Variants in PPFIA2 observed in about 807,000 individuals in gnomAD.
PPFIA2 encodes liprin-alpha-2.
In PPFIA2, 46 loss-of-function variants were observed where a neutral mutation model predicts 175.5. The observed-to-expected ratio is 0.26, with a 90% confidence interval of 0.21 to 0.34. The LOEUF is 0.34. Ranked by LOEUF, PPFIA2 falls within the 10% of genes least tolerant of loss-of-function variation. The pLI is 1.00. For missense variants in PPFIA2, 1,179 were observed against 1,506.1 expected (o/e 0.78, Z 3.60); for synonymous variants, 568 against 511.4 (o/e 1.11, Z -1.49).
intron 13 of PPFIA2, chr12:81,368,176 A>C: frequency 7.8e-7 from 1 of 1,285,338 alleles, no homozygotes; most frequent in Non-Finnish European, 1.0e-6. Flanking sequence ...ACTATCAATG[A>C]GACATATATA....
intron 7 of PPFIA2, among the ~76,000 whole-genome samples, chr12:81,417,566 G>T (rs2045527295): frequency 6.6e-6 from 1 of 151,122 alleles, no homozygotes; most frequent in Non-Finnish European, 1.5e-5. Context: ...CAATAAAAAG[G>T]ATTTATTCAT....
At chr12:81,434,645 C>A (rs1415125295) in intron 7 of PPFIA2, among the ~76,000 whole-genome samples, 1 of 151,996 alleles carries the variant, frequency 6.6e-6, no homozygotes, top group African/African-American at 2.4e-5. Context: ...GAAATAACTT[C>A]TCTGGTCTCA....
chr12:81,479,928 AT>A (rs1452217748), intron 4 of PPFIA2, among the ~76,000 whole-genome samples: 1 of 152,006 alleles, frequency 6.6e-6, no homozygotes, highest in East Asian at 1.9e-4. Flanking sequence ...TGTTCTCTGC[AT>A]TTCCTGAATT....
rs542401624 is a variant in PPFIA2, at chr12:81,605,916, C to G, written c.303+70875G>C. ...GATTTGTTACATAAGTGTATTGCACCCAGGTAGTGAGCATAATAGCCAATA... is the reference window on the plus strand; with the variant it reads ...GATTTGTTACATAAGTGTATTGCACGCAGGTAGTGAGCATAATAGCCAATA... On this transcript the variant is annotated intron_variant, in intron 4 of 32. Coordinates refer to ENST00000549396, the MANE Select transcript of PPFIA2 (RefSeq NM_003625.5). Among the ~76,000 whole-genome samples, 3 of 151,720 alleles carry G rather than the reference C, an allele frequency of 2.0e-5. No homozygotes were observed. The South Asian group carries it at 6.2e-4, about 32-fold the overall frequency.
At chr12:81,271,816 C>T (rs1180959143) in intron 28 of PPFIA2, among the ~76,000 whole-genome samples, 1 of 151,982 alleles carries the variant, frequency 6.6e-6, no homozygotes, top group African/African-American at 2.4e-5. Flanking sequence ...GACATTTACC[C>T]ATACATTTTT....
intron 4 of PPFIA2, chr12:81,505,717 G>C (rs2061087058): frequency 6.6e-6 from 1 of 152,186 alleles, no homozygotes; most frequent in Non-Finnish European, 1.5e-5. Context: ...TGTATGCCCT[G>C]AGCCACATGT....
At chr12:81,455,024 C>T (rs2053334663) in intron 5 of PPFIA2, among the ~76,000 whole-genome samples, 1 of 151,990 alleles carries the variant, frequency 6.6e-6, no homozygotes, top group South Asian at 2.1e-4. Context: ...ATCACTTGCG[C>T]TTTAAATTTG....
At chr12:81,308,377 T>G (rs980557536) in intron 22 of PPFIA2, among the ~76,000 whole-genome samples, 1 of 152,180 alleles carries the variant, frequency 6.6e-6, no homozygotes, top group Non-Finnish European at 1.5e-5. Context: ...AGATACATAT[T>G]GACACACATT....
intron 3 of PPFIA2, among the ~76,000 whole-genome samples, chr12:81,713,937 G>T (rs1596695934): frequency 6.6e-6 from 1 of 151,140 alleles, no homozygotes; most frequent in Admixed American, 6.8e-5. Flanking sequence ...GAAGATAGAG[G>T]ATATCATTTT....
At chr12:81,319,302 C>CA (rs1384400028) in intron 22 of PPFIA2, among the ~76,000 whole-genome samples, 1 of 151,676 alleles carries the variant, frequency 6.6e-6, no homozygotes, top group Non-Finnish European at 1.5e-5. Context: ...TTTTTACTAA[C>CA]AAATTTCAGT....
chr12:81,340,567 A>C (rs1291813885), intron 20 of PPFIA2, among the ~76,000 whole-genome samples: 3 of 152,040 alleles, frequency 2.0e-5, no homozygotes, highest in African/African-American at 7.2e-5. Flanking sequence ...TTATCTTTTT[A>C]TTTAATATTT....
chr12:81,439,010 CTAAT>C (rs2049622925), intron 7 of PPFIA2, among the ~76,000 whole-genome samples: 1 of 151,808 alleles, frequency 6.6e-6, no homozygotes, highest in Admixed American at 6.6e-5. Context: ...GAAGATTTTG[CTAAT>C]TTATATTAGT....
chr12:81,715,735 G>A (rs1001550012), intron 3 of PPFIA2, among the ~76,000 whole-genome samples: 3 of 151,668 alleles, frequency 2.0e-5, no homozygotes, highest in Non-Finnish European at 4.4e-5. Flanking sequence ...TAAAACAATC[G>A]TACAATCACG....
At chr12:81,595,230 CTG>C (rs1191348378) in intron 4 of PPFIA2, among the ~76,000 whole-genome samples, 1 of 145,668 alleles carries the variant, frequency 6.9e-6, no homozygotes, top group Non-Finnish European at 1.5e-5. Flanking sequence ...ACAAAATTCA[CTG>C]TGTTTATATA....
chr12:81,557,037 G>T (rs2068997261), intron 4 of PPFIA2, among the ~76,000 whole-genome samples: 1 of 151,694 alleles, frequency 6.6e-6, no homozygotes, highest in Admixed American at 6.6e-5. Context: ...CTTGATGACT[G>T]GCATTTTTTT....
chr12:81,268,132 CTTT>C (rs746893824), intron 28 of PPFIA2, 45 bp from the exon 29 acceptor site: 7,942 of 616,258 alleles, frequency 0.013, no homozygotes, highest in East Asian at 0.02. Context: ...ATTTTTCTTT[CTTT>C]TTTTTTTTTT....
chr12:81,370,258 C>T (rs1235204222), intron 11 of PPFIA2, among the ~76,000 whole-genome samples: 1 of 151,384 alleles, frequency 6.6e-6, no homozygotes, highest in Non-Finnish European at 1.5e-5. Flanking sequence ...GTGAGTAGTC[C>T]CCAATTCAAG....
At chr12:81,364,069 T>C (rs1426207780) in intron 14 of PPFIA2, among the ~76,000 whole-genome samples, 1 of 151,104 alleles carries the variant, frequency 6.6e-6, no homozygotes, top group Non-Finnish European at 1.5e-5. Flanking sequence ...CATGGAAGGG[T>C]TTTTCAATAA....
chr12:81,551,128 G>A (rs1040810478), intron 4 of PPFIA2, among the ~76,000 whole-genome samples: 1 of 151,894 alleles, frequency 6.6e-6, no homozygotes, highest in Non-Finnish European at 1.5e-5. Flanking sequence ...AGAAATGTAC[G>A]CTCAGAATTT....
Sources: gnomAD v4.1 joint callset for allele counts (sites outside exome capture counted in the v4.1 genomes callset) on GRCh38, gnomAD v4.1.1 for gene constraint, MANE v1.5 for transcripts, NCBI Gene and HGNC (gene_info 2026-07-23, HGNC 2026-07-21) for gene names.